Variants in MTUS1 observed in about 807,000 individuals in gnomAD.
The protein encoded by MTUS1 is microtubule associated scaffold protein 1, also known as microtubule-associated tumor suppressor 1.
In MTUS1, 109 loss-of-function variants were observed where a neutral mutation model predicts 120.8. The observed-to-expected ratio is 0.90, with a 90% CI of 0.77 to 1.06. The LOEUF is 1.06. Among genes scored for constraint, MTUS1 ranks in the 50% least tolerant of loss-of-function variants. The probability of loss-of-function intolerance (pLI) is 0.00; values close to 1 mark genes in which losing one functional copy is unlikely to be tolerated. For missense variants in MTUS1, 2,210 were observed against 1,486.3 expected (o/e 1.49, Z -8.01); for synonymous variants, 737 against 550.5 (o/e 1.34, Z -4.74).
At chr8:17,792,485 T>G (rs1029165830) in intron 1 of MTUS1, among the ~76,000 whole-genome samples, 1 of 152,258 alleles carries the variant, frequency 6.6e-6, no homozygotes, top group Admixed American at 6.5e-5. Flanking sequence ...CTTACCTCCC[T>G]TTTCATTAAC....
At chr8:17,723,632 G>A in intron 4 of MTUS1, 40 bp downstream of exon 4, 2 of 1,586,232 alleles carry the variant, frequency 1.3e-6, no homozygotes, top group Non-Finnish European at 1.7e-6. Context: ...TGTAATGACT[G>A]TTTCCACAAC....
rs1327567838 is a variant in MTUS1 at position 17,670,453 on chromosome 8, A to T, written c.2905+4733T>A. On this transcript the variant is annotated intron_variant, in intron 8 of 14. Transcript: ENST00000693296. ...ACAGCCACTTGACAGACTTTCCCCC[A>T]GCCCATTAAAGGTGATCATAATGAA... Among the ~76,000 whole-genome samples the T allele has an allele frequency of 2.0e-5, 3 of 152,196 alleles. No individual in the cohort carries two copies. In the South Asian group the frequency reaches 6.2e-4, roughly 31 times the overall value.
At chr8:17,779,569 ACACT>A (rs946331525) in intron 1 of MTUS1, among the ~76,000 whole-genome samples, 1 of 152,226 alleles carries the variant, frequency 6.6e-6, no homozygotes, top group Non-Finnish European at 1.5e-5. Flanking sequence ...AATGATAATG[ACACT>A]CACTCACTCT....
chr8:17,732,501 C>T (rs1237610187), intron 3 of MTUS1, among the ~76,000 whole-genome samples: 2 of 152,186 alleles, frequency 1.3e-5, no homozygotes, highest in African/African-American at 2.4e-5. Flanking sequence ...GTGCTCTCTA[C>T]ACTTACTGCC....
intron 6 of MTUS1, among the ~76,000 whole-genome samples, chr8:17,704,343 T>C (rs1389913580): frequency 1.3e-5 from 2 of 152,210 alleles, no homozygotes; most frequent in Non-Finnish European, 2.9e-5. Context: ...TTTGGTGTCA[T>C]ACCAAGAAAA....
intron 8 of MTUS1, among the ~76,000 whole-genome samples, chr8:17,659,397 A>C (rs1248968252): frequency 1.3e-5 from 2 of 152,142 alleles, no homozygotes; most frequent in African/African-American, 2.4e-5. Flanking sequence ...AAAATAAATA[A>C]ATAAAAACTG....
intron 7 of MTUS1, among the ~76,000 whole-genome samples, chr8:17,679,141 C>CG (rs1320557372): frequency 6.6e-6 from 1 of 150,706 alleles, no homozygotes; most frequent in African/African-American, 2.4e-5. Context: ...CCATTTTCAC[C>CG]CATAATCGAA....
At chr8:17,663,368 G>A (rs959485347) in intron 8 of MTUS1, among the ~76,000 whole-genome samples, 1 of 152,140 alleles carries the variant, frequency 6.6e-6, no homozygotes, top group Non-Finnish European at 1.5e-5. Flanking sequence ...GCCATGGCCC[G>A]ACATTGTTAA....
intron 9 of MTUS1, 105 bp from the exon 10 acceptor site, chr8:17,654,771 G>T (rs1182232482): frequency 1.3e-6 from 1 of 750,872 alleles, no homozygotes; most frequent in African/African-American, 1.7e-5. Context: ...ACAGGTAAGC[G>T]TGGGCTCTAG....
intron 1 of MTUS1, among the ~76,000 whole-genome samples, chr8:17,756,674 C>CCCCCCT (rs541307072): frequency 7.5e-5 from 4 of 53,290 alleles, no homozygotes; most frequent in Non-Finnish European, 1.9e-4. Context: ...AGCCCAAACC[C>CCCCCCT]CCACCCCTTA....
At chr8:17,764,252 C>A (rs1416484930) in intron 1 of MTUS1, among the ~76,000 whole-genome samples, 1 of 152,080 alleles carries the variant, frequency 6.6e-6, no homozygotes, top group Non-Finnish European at 1.5e-5. Flanking sequence ...ATCTACAAAT[C>A]CTTGGGGATA....
At chr8:17,650,393 C>A (rs374247548) in intron 12 of MTUS1, among the ~76,000 whole-genome samples, 2 of 152,154 alleles carry the variant, frequency 1.3e-5, no homozygotes, top group Non-Finnish European at 2.9e-5. Context: ...TGGAAAACAA[C>A]AGGGATAACA....
chr8:17,750,983 C>G (rs1202964020), intron 2 of MTUS1, among the ~76,000 whole-genome samples: 2 of 152,330 alleles, frequency 1.3e-5, no homozygotes, highest in African/African-American at 2.4e-5. Context: ...TCAGTAAACT[C>G]AAGGCCTAAG....
chr8:17,727,916 C>G (rs982276564), intron 3 of MTUS1, among the ~76,000 whole-genome samples: 2 of 152,126 alleles, frequency 1.3e-5, no homozygotes, highest in African/African-American at 4.8e-5. Flanking sequence ...GTAACACAGT[C>G]TATTGGATTT....
chr8:17,662,349 ATTTT>A (rs35308070), intron 8 of MTUS1, among the ~76,000 whole-genome samples: 51,876 of 111,654 alleles, frequency 0.46, 12,057 homozygotes, highest in Middle Eastern at 0.65. Flanking sequence ...TTTTGTCCCT[ATTTT>A]TTTTTTTTTT....
At chr8:17,736,594 G>C (rs56012353) in intron 3 of MTUS1, among the ~76,000 whole-genome samples, 23,818 of 151,490 alleles carry the variant, frequency 0.16, 1,966 homozygotes, top group Middle Eastern at 0.19. Context: ...TTTTTTGCTT[G>C]TTTTTTTTGA....
intron 1 of MTUS1, among the ~76,000 whole-genome samples, chr8:17,799,939 GA>G (rs55838213): frequency 0.029 from 4,162 of 143,952 alleles, 78 homozygotes; most frequent in Non-Finnish European, 0.037. Flanking sequence ...TATTGCCTAT[GA>G]AAAAAAAAAA....
intron 7 of MTUS1, among the ~76,000 whole-genome samples, chr8:17,680,118 G>A (rs564651980): frequency 1.3e-5 from 2 of 152,136 alleles, no homozygotes; most frequent in African/African-American, 4.8e-5. Context: ...ATATGCTCCT[G>A]GAATCCAGAC....
At chr8:17,745,111 T>C (rs572490308) in intron 2 of MTUS1, among the ~76,000 whole-genome samples, 60 of 152,332 alleles carry the variant, frequency 3.9e-4, no homozygotes, top group African/African-American at 1.4e-3. Flanking sequence ...TTTGGCTTTT[T>C]TCATTAACAA....
Sources: gnomAD v4.1 joint callset for allele counts (sites outside exome capture counted in the v4.1 genomes callset) on GRCh38, gnomAD v4.1.1 for gene constraint, MANE v1.5 for transcripts, NCBI Gene and HGNC (gene_info 2026-07-23, HGNC 2026-07-21) for gene names.